The following CDH13 variants were observed in gnomAD, a reference collection of about 807,000 sequenced individuals.
CDH13 encodes the protein cadherin-13.
A neutral mutation model predicts 63.8 loss-of-function variants in CDH13; 24 were observed. That is an observed-to-expected ratio of 0.38 (90% CI 0.27 to 0.53). CDH13 has a LOEUF of 0.53. Among genes scored for constraint, CDH13 ranks in the 20% least tolerant of loss-of-function variants. CDH13 has a pLI of 0.85. For synonymous variants in CDH13, 503 were observed against 355.3 expected, an observed-to-expected ratio of 1.42 and a Z score of -4.67; for missense variants, 1,049 against 903.1, an observed-to-expected ratio of 1.16 and a Z score of -2.07.
At chr16:83,232,917 C>G (rs1249810401) in intron 5 of CDH13, among the ~76,000 whole-genome samples, 2 of 152,174 alleles carry the variant, frequency 1.3e-5, no homozygotes. Context: ...TTCCCCTTTT[C>G]TGGGTATTTC....
At chr16:83,087,705 A>G (rs1440036131) in intron 3 of CDH13, among the ~76,000 whole-genome samples, 2 of 145,446 alleles carry the variant, frequency 1.4e-5, no homozygotes, top group Non-Finnish European at 3.0e-5. Flanking sequence ...AAAGCCTAGC[A>G]CCAAAGTATT....
chr16:83,481,784 A>C (rs1057209167), intron 6 of CDH13, among the ~76,000 whole-genome samples: 1 of 152,130 alleles, frequency 6.6e-6, no homozygotes, highest in Non-Finnish European at 1.5e-5. Context: ...GTGACGGGGG[A>C]AAAGACAGAA....
chr16:83,038,114 A>C (rs1917026408), intron 3 of CDH13, among the ~76,000 whole-genome samples: 1 of 152,206 alleles, frequency 6.6e-6, no homozygotes, highest in African/African-American at 2.4e-5. Flanking sequence ...GCGATTTCAC[A>C]CTTGCTCATT....
chr16:83,391,621 A>G (rs1428446278), intron 6 of CDH13, among the ~76,000 whole-genome samples: 1 of 152,210 alleles, frequency 6.6e-6, no homozygotes, highest in Non-Finnish European at 1.5e-5. Flanking sequence ...CCCCCCTGGA[A>G]AACATAATGA....
At chr16:83,784,287 G>T (rs580131) in intron 13 of CDH13, among the ~76,000 whole-genome samples, 1 of 151,898 alleles carries the variant, frequency 6.6e-6, no homozygotes, top group Admixed American at 6.6e-5. Flanking sequence ...TACAACATTG[G>T]ACATTCACGT....
intron 1 of CDH13, among the ~76,000 whole-genome samples, chr16:82,803,794 A>C (rs1033135365): frequency 1.3e-5 from 2 of 152,252 alleles, no homozygotes; most frequent in African/African-American, 4.8e-5. Flanking sequence ...GAAGCAGAGT[A>C]GAATGGTGAT....
chr16:83,513,643 C>G (rs4782542), intron 7 of CDH13, among the ~76,000 whole-genome samples: 75,898 of 151,856 alleles, frequency 0.5, 19,314 homozygotes, highest in Admixed American at 0.53. Flanking sequence ...CCTTATAAAA[C>G]CGTGAGATCT....
chr16:82,853,017 A>C (rs930721499), intron 1 of CDH13, among the ~76,000 whole-genome samples: 1 of 152,248 alleles, frequency 6.6e-6, no homozygotes, highest in Non-Finnish European at 1.5e-5. Context: ...TCTGTACTAC[A>C]GCAAATAAAT....
chr16:83,043,351 A>G (rs947800868), intron 3 of CDH13, among the ~76,000 whole-genome samples: 4 of 152,154 alleles, frequency 2.6e-5, no homozygotes, highest in African/African-American at 9.7e-5. Context: ...AAAATTCTAA[A>G]TTTTATTTTA....
chr16:83,541,514 C>T (rs1275733148), intron 7 of CDH13, among the ~76,000 whole-genome samples: 1 of 152,152 alleles, frequency 6.6e-6, no homozygotes. Context: ...TCCAAAGTTC[C>T]TTGCAGTTAG....
At chr16:83,059,379 C>T (rs1470772947) in intron 3 of CDH13, among the ~76,000 whole-genome samples, 1 of 152,060 alleles carries the variant, frequency 6.6e-6, no homozygotes, top group African/African-American at 2.4e-5. Context: ...AGATCTGGGG[C>T]AGGATGATTT....
intron 6 of CDH13, among the ~76,000 whole-genome samples, chr16:83,364,760 A>C (rs1397013992): frequency 1.3e-5 from 2 of 152,148 alleles, no homozygotes; most frequent in East Asian, 3.9e-4. Flanking sequence ...TGTGGGTTGG[A>C]GGAGGCAGAC....
intron 5 of CDH13, among the ~76,000 whole-genome samples, chr16:83,263,172 A>G (rs1567548193): frequency 6.6e-6 from 1 of 152,342 alleles, no homozygotes; most frequent in East Asian, 1.9e-4. Context: ...AAGACCTAGC[A>G]GTAATTTTTA....
At chr16:82,809,236 G>A (rs79996373) in intron 1 of CDH13, among the ~76,000 whole-genome samples, 2 of 151,842 alleles carry the variant, frequency 1.3e-5, no homozygotes, top group East Asian at 3.9e-4. Context: ...CATTTGCCAA[G>A]CTATTATTAC....
chr16:82,879,556 TA>T (rs1226112603), intron 2 of CDH13, among the ~76,000 whole-genome samples: 1 of 142,764 alleles, frequency 7.0e-6, no homozygotes, highest in African/African-American at 2.5e-5. Context: ...AATATATACA[TA>T]TATTGTATAT....
intron 3 of CDH13, among the ~76,000 whole-genome samples, chr16:83,109,040 CA>C (rs112680924): frequency 0.1 from 15,302 of 152,132 alleles, 886 homozygotes; most frequent in African/African-American, 0.15. Flanking sequence ...GTTAAATCCT[CA>C]ATCTTAGGGT....
intron 5 of CDH13, among the ~76,000 whole-genome samples, chr16:83,288,633 C>G (rs2089387339): frequency 6.6e-6 from 1 of 152,210 alleles, no homozygotes; most frequent in Non-Finnish European, 1.5e-5. Flanking sequence ...AAGAAGAAAG[C>G]TTGTGTCCCC....
At chr16:82,726,493 G>C (rs1047135127) in intron 1 of CDH13, among the ~76,000 whole-genome samples, 2 of 152,198 alleles carry the variant, frequency 1.3e-5, no homozygotes, top group East Asian at 1.9e-4. Context: ...TTTCTCATGA[G>C]CTGTTCAAAA....
intron 8 of CDH13, among the ~76,000 whole-genome samples, chr16:83,622,856 C>T (rs1422078249): frequency 6.6e-6 from 1 of 152,198 alleles, no homozygotes; most frequent in African/African-American, 2.4e-5. Context: ...ATGCAGTCAC[C>T]GCATGCCTAC....
Sources: gnomAD v4.1 joint callset for allele counts (sites outside exome capture counted in the v4.1 genomes callset) on GRCh38, gnomAD v4.1.1 for gene constraint, MANE v1.5 for transcripts, NCBI Gene and HGNC (gene_info 2026-07-23, HGNC 2026-07-21) for gene names.